The following ATP13A5 variants were observed in gnomAD, a reference collection of about 807,000 sequenced individuals.
ATP13A5 encodes ATPase 13A5.
In ATP13A5, 149 loss-of-function variants were observed where a neutral mutation model predicts 150.2. That is an observed-to-expected ratio of 0.99 (90% CI 0.87 to 1.14). The LOEUF is 1.14. ATP13A5 is among the 50% of genes most tolerant of loss of function. The pLI is 0.00. For missense variants in ATP13A5, 1,383 were observed against 1,449.3 expected (o/e 0.95, Z 0.74); for synonymous variants, 497 against 522.2 (o/e 0.95, Z 0.66).
intron 19 of ATP13A5, among the ~76,000 whole-genome samples, chr3:193,312,506 C>T (rs1003971135): frequency 2.6e-5 from 4 of 152,278 alleles, no homozygotes; most frequent in South Asian, 2.1e-4. Context: ...AATCCTTTTC[C>T]GAAACCCTTT....
intron 1 of ATP13A5, among the ~76,000 whole-genome samples, chr3:193,377,472 CTTTT>C (rs531099439): frequency 1.3e-5 from 2 of 152,038 alleles, no homozygotes; most frequent in African/African-American, 4.8e-5. Context: ...AGATGTTTTA[CTTTT>C]TTTTACTAAA....
In ATP13A5 at chr3:193,284,994, G is replaced by A. The variant is rs1314427391; in HGVS notation, c.3146C>T (p.Pro1049Leu). ...ILSFETTTLW[P>L]ITTINYITVA... ...TGTGATATAGTTGATGGTGGTGATG[G>A]GCCACAGTGTGGTGGTCTCAAAACT... Residue 1049 changes from proline (P) to leucine (L), a missense_variant, in exon 27 of 30, where the codon CCC becomes CTC. This residue lies in a region of ATP13A5 where 568 missense variants were observed against 621.5 expected (regional missense o/e 0.91). Coordinates refer to ENST00000342358, the MANE Select transcript of ATP13A5 (RefSeq NM_198505.4). The A allele has an allele frequency of 1.2e-6, 2 of 1,613,906 alleles. No individual in the cohort carries two copies. Among genetic ancestry groups the A allele is most frequent in the Non-Finnish European group, 1.7e-6 (2 of 1,179,956 alleles).
Position 193,363,148 on chromosome 3 carries a change from T to C in ATP13A5, c.384+88A>G. On this transcript the variant is annotated intron_variant, in intron 3 of 29. Coordinates refer to ENST00000342358, the MANE Select transcript of ATP13A5 (RefSeq NM_198505.4). The stretch of plus-strand genomic sequence containing the variant: ...ATAGCTGTCATTCCCATTCCAAAAG[T>C]GTGATATTCGGAACTTTCATTTAAT... 2.1e-6 allele frequency: 3 copies of C among 1,428,608 alleles called. No individual in the cohort carries two copies. In the South Asian group the frequency reaches 4.2e-5, roughly 20 times the overall value. The allele number at this position is 1,428,608 out of a possible 1,614,324, so 88.5% of individuals were successfully genotyped here.
At chr3:193,314,860 A>G in intron 18 of ATP13A5, 112 bp downstream of exon 18, 3 of 1,394,600 alleles carry the variant, frequency 2.2e-6, no homozygotes, top group Non-Finnish European at 2.9e-6. Context: ...AACAAATTCG[A>G]CAACAGAACA....
chr3:193,361,131 C>CT (rs1238147427), intron 5 of ATP13A5, among the ~76,000 whole-genome samples: 4 of 152,170 alleles, frequency 2.6e-5, no homozygotes, highest in South Asian at 4.1e-4. Flanking sequence ...AACTAGAATT[C>CT]TTAAATGTCC....
intron 1 of ATP13A5, among the ~76,000 whole-genome samples, chr3:193,367,591 T>A (rs1041439114): frequency 1.3e-5 from 2 of 152,088 alleles, no homozygotes; most frequent in Non-Finnish European, 2.9e-5. Flanking sequence ...AAATAGATTA[T>A]CTAACTAAAT....
rs755353022 is a variant in ATP13A5, at chr3:193,299,117, G to T, written c.2848+14C>A. ...AAATAAAAACAATATAGTTTTCTTT[G>T]CTAAAGAGCTTACTTGTTAAACAGA... On this transcript the variant is annotated intron_variant, in intron 25 of 29. Transcript: ENST00000342358. 2 of 1,576,418 alleles carry T rather than the reference G, an allele frequency of 1.3e-6. No individual in the cohort carries two copies. Among genetic ancestry groups the T allele is most frequent in the Non-Finnish European group, 1.7e-6 (2 of 1,159,392 alleles).
rs1423833584 is a variant in ATP13A5 at position 193,314,119 on chromosome 3, C to A, written c.2233G>T (p.Val745Phe). Residue 745 changes from valine (V) to phenylalanine (F), a missense_variant, in exon 19 of 30, where the codon GTT (valine) becomes TTT (phenylalanine). By Grantham distance (50) the Val-to-Phe change is conservative. This residue lies in a region of ATP13A5 where 568 missense variants were observed against 621.5 expected (regional missense o/e 0.91). Coordinates refer to ENST00000342358, the MANE Select transcript of ATP13A5 (RefSeq NM_198505.4). ...MIPPGSQVII[V>F]EADEPEEFVP... ...AATTCTTCTGGTTCATCGGCCTCAA[C>A]AATGATCACTTGGCTGCCTGGAGGG... 2 of 1,613,850 alleles carry A rather than the reference C, an allele frequency of 1.2e-6. No individual in the cohort carries two copies. The highest frequency in any genetic ancestry group is 2.7e-5 in the African/African-American group (2 of 74,908).
intron 1 of ATP13A5, among the ~76,000 whole-genome samples, chr3:193,372,476 A>C (rs1187087113): frequency 1.3e-5 from 2 of 152,144 alleles, no homozygotes; most frequent in Non-Finnish European, 2.9e-5. Flanking sequence ...CGATATGCAG[A>C]TATTCCTCCA....
In ATP13A5 at chr3:193,308,940, T is replaced by C. The variant is rs76324981; in HGVS notation, c.2526-1571A>G. Among the ~76,000 whole-genome samples the C allele has an allele frequency of 1.1e-3, 171 of 152,332 alleles. 3 individuals carry two copies. The East Asian group carries it at 0.03, about 27-fold the overall frequency. On this transcript the variant is annotated intron_variant, in intron 21 of 29. Coordinates refer to ENST00000342358, the MANE Select transcript of ATP13A5 (RefSeq NM_198505.4). ...CTGGTTACTTACCCAGCCTCAGGCA[T>C]TCTGGAAGTTAATAGGCAGTTTGTA... is the stretch of plus-strand genomic sequence containing the variant.
At chr3:193,377,530 G>A (rs927622813) in intron 1 of ATP13A5, among the ~76,000 whole-genome samples, 1 of 152,090 alleles carries the variant, frequency 6.6e-6, no homozygotes, top group African/African-American at 2.4e-5. Flanking sequence ...AGCATATTTT[G>A]TGTGGACTAG....
chr3:193,368,219 A>C (rs1427045091), intron 1 of ATP13A5, among the ~76,000 whole-genome samples: 1 of 152,244 alleles, frequency 6.6e-6, no homozygotes, highest in Non-Finnish European at 1.5e-5. Flanking sequence ...CATTTATAAT[A>C]CCTTCAAAGA....
chr3:193,276,936 G>C (rs1717244934), intron 28 of ATP13A5, 106 bp from the exon 29 acceptor site: 3 of 827,926 alleles, frequency 3.6e-6, no homozygotes, highest in African/African-American at 1.7e-5. Context: ...TCTGAGCTTA[G>C]TGGTGGGCAT....
chr3:193,285,368 A>G (rs1717678126), intron 26 of ATP13A5, among the ~76,000 whole-genome samples: 1 of 152,178 alleles, frequency 6.6e-6, no homozygotes, highest in South Asian at 2.1e-4. Context: ...ACAATATTTT[A>G]TGAATTCCTA....
At chr3:193,288,755 GAACA>G (rs1385856646) in intron 26 of ATP13A5, among the ~76,000 whole-genome samples, 2 of 151,978 alleles carry the variant, frequency 1.3e-5, no homozygotes, top group African/African-American at 4.8e-5. Flanking sequence ...ACAAAAAGAG[GAACA>G]GACAGACTAG....
rs148801673 is a variant in ATP13A5, at chr3:193,292,696, G to A, written c.2849-2637C>T. The stretch of plus-strand genomic sequence containing the variant: ...GATCAACTGATCTACATACTAGAGC[G>A]GACTGGCTCAGCTGAGCTGACCTAG... On this transcript the variant is annotated intron_variant, in intron 25 of 29. Transcript: ENST00000342358. Among the ~76,000 whole-genome samples the A allele has an allele frequency of 4.4e-3, 664 of 152,074 alleles. 3 individuals are homozygous for A. The highest frequency in any genetic ancestry group is 0.01 in the Middle Eastern group (3 of 294).
chr3:193,327,153 G>C (rs1719495405), intron 12 of ATP13A5, 96 bp from the exon 13 acceptor site: 4 of 1,089,994 alleles, frequency 3.7e-6, no homozygotes, highest in Non-Finnish European at 3.9e-6. Flanking sequence ...TATTATAGTA[G>C]ATCCAGTAGT....
intron 1 of ATP13A5, among the ~76,000 whole-genome samples, chr3:193,369,684 A>G (rs569252959): frequency 4.1e-4 from 62 of 152,242 alleles, no homozygotes; most frequent in Non-Finnish European, 7.8e-4. Flanking sequence ...AGATACTGGA[A>G]ATGGGATGAA....
intron 8 of ATP13A5, among the ~76,000 whole-genome samples, chr3:193,344,416 G>A (rs1712248117): frequency 6.6e-6 from 1 of 152,106 alleles, no homozygotes; most frequent in Non-Finnish European, 1.5e-5. Flanking sequence ...TTGGATTGAG[G>A]CCTTACTTAA....
Sources: allele counts gnomAD v4.1 joint callset (sites outside exome capture counted in the v4.1 genomes callset), GRCh38; gene constraint gnomAD v4.1.1; regional missense constraint gnomAD v4.1.1; transcripts MANE v1.5; gene names NCBI Gene and HGNC (gene_info 2026-07-23, HGNC 2026-07-21).